Variants in TCF7L1 observed in about 807,000 individuals in gnomAD.
TCF7L1 encodes transcription factor 7-like 1.
Under a neutral mutation model 63.7 loss-of-function variants are expected in TCF7L1, and 18 were observed. That is an observed-to-expected ratio of 0.28 (90% CI 0.20 to 0.42). The LOEUF (loss-of-function observed/expected upper bound fraction) is 0.42, where lower values mean the gene tolerates loss of function less well. Among genes scored for constraint, TCF7L1 ranks in the 10% least tolerant of loss-of-function variants. TCF7L1 has a pLI of 1.00. For missense variants in TCF7L1, 654 were observed against 779.3 expected, an observed-to-expected ratio of 0.84 and a Z score of 1.91; for synonymous variants, 355 against 340.9, an observed-to-expected ratio of 1.04 and a Z score of -0.46.
In TCF7L1 at chr2:85,134,493, G is replaced by A. The variant is rs1037225645; in HGVS notation, c.441+43G>A. The A allele has an allele frequency of 2.3e-5, 36 of 1,542,734 alleles. No individual in the cohort carries two copies. Among genetic ancestry groups the A allele is most frequent in the Non-Finnish European group, 3.1e-5 (36 of 1,143,186 alleles). On this transcript the variant is annotated intron_variant, in intron 3 of 11. Transcript: ENST00000282111. This position sits in a 1 kb window ranked among gnomAD's most constrained non-coding sequence, Gnocchi z 5.0. ...GCGCCGGGGAGGGTGGGAGGCCGCG[G>A]CCCGCAGGATGCGCCCCCGGGCTTG...
chr2:85,258,139 T>C (rs114233338), intron 3 of TCF7L1, among the ~76,000 whole-genome samples: 110 of 152,270 alleles, frequency 7.2e-4, no homozygotes, highest in African/African-American at 2.4e-3. Context: ...TTAGCCTGTA[T>C]CATCATAATC....
intron 3 of TCF7L1, among the ~76,000 whole-genome samples, chr2:85,240,351 G>C (rs1001775453): frequency 6.6e-6 from 1 of 152,234 alleles, no homozygotes; most frequent in Non-Finnish European, 1.5e-5. Flanking sequence ...TTAAACCTCA[G>C]GCTGTCATCG....
At chr2:85,202,966 TGG>T (rs1218369010) in intron 3 of TCF7L1, among the ~76,000 whole-genome samples, 1 of 152,146 alleles carries the variant, frequency 6.6e-6, no homozygotes, top group Non-Finnish European at 1.5e-5. Flanking sequence ...CCCAAGTAGC[TGG>T]GACTACAGGC....
intron 3 of TCF7L1, among the ~76,000 whole-genome samples, chr2:85,222,729 C>T (rs949173150): frequency 1.4e-4 from 21 of 149,570 alleles, no homozygotes; most frequent in Admixed American, 1.4e-3. Flanking sequence ...CATAAATTGA[C>T]CAATAGCAAA....
At chr2:85,224,238 A>G (rs138027317) in intron 3 of TCF7L1, among the ~76,000 whole-genome samples, 6,376 of 152,300 alleles carry the variant, frequency 0.042, 149 homozygotes, top group African/African-American at 0.054. Context: ...GAATAGTGCC[A>G]CAGTAAACAT....
intron 3 of TCF7L1, among the ~76,000 whole-genome samples, chr2:85,158,491 T>A (rs1574083256): frequency 6.6e-6 from 1 of 152,100 alleles, no homozygotes; most frequent in Non-Finnish European, 1.5e-5. Context: ...TGTTTAAAAA[T>A]AATGTCTGCC....
chr2:85,166,421 G>A (rs1004091501), intron 3 of TCF7L1, among the ~76,000 whole-genome samples: 1 of 152,216 alleles, frequency 6.6e-6, no homozygotes, highest in African/African-American at 2.4e-5. Context: ...TGAGTCCTCA[G>A]GGGTTCAGAG....
At chr2:85,302,423 A>G (rs1682003163) in intron 4 of TCF7L1, 61 bp from the exon 5 acceptor site, 2 of 1,611,056 alleles carry the variant, frequency 1.2e-6, no homozygotes, top group Non-Finnish European at 1.7e-6. Context: ...TCCATAAATA[A>G]CAGCTGGTCA....
rs1682246499 is a variant in TCF7L1 at position 85,310,190 on chromosome 2, G to A, written c.*728G>A. ...AATCCCAGAGTGGCAGGCGGGACCG[G>A]CCCCATGGTCTGGCTCCTGTCACCT... On this transcript the variant is annotated 3_prime_UTR_variant, in exon 12 of 12. Transcript: ENST00000282111. 6.6e-6 allele frequency: 1 copy of A among 152,564 alleles called. No homozygotes were observed. The highest frequency in any genetic ancestry group is 2.4e-5 in the African/African-American group (1 of 41,450). 9.5% of individuals were successfully genotyped at this position (152,564 alleles called of 1,614,324 possible).
chr2:85,284,820 A>T (rs529217557), intron 4 of TCF7L1, among the ~76,000 whole-genome samples: 6 of 152,332 alleles, frequency 3.9e-5, no homozygotes, highest in African/African-American at 1.4e-4. Flanking sequence ...TTAAAGATGT[A>T]TCAAAGTAGA....
At chr2:85,184,166 A>T (rs1483416403) in intron 3 of TCF7L1, among the ~76,000 whole-genome samples, 1 of 152,180 alleles carries the variant, frequency 6.6e-6, no homozygotes, top group Non-Finnish European at 1.5e-5. Flanking sequence ...CTTTGGGAAG[A>T]AAAGGAGGTG....
intron 3 of TCF7L1, among the ~76,000 whole-genome samples, chr2:85,141,230 C>G (rs1481005530): frequency 1.3e-5 from 2 of 152,138 alleles, no homozygotes; most frequent in African/African-American, 2.4e-5. Flanking sequence ...CAGTGAGACC[C>G]TGTCTCTAAG....
chr2:85,283,641 G>A, intron 4 of TCF7L1, 63 bp downstream of exon 4: 2 of 1,552,994 alleles, frequency 1.3e-6, no homozygotes, highest in Non-Finnish European at 8.9e-7. Context: ...CCATGCCACT[G>A]CCTTCTGCCA....
At chr2:85,141,143 G>C (rs1396635277) in intron 3 of TCF7L1, among the ~76,000 whole-genome samples, 2 of 152,116 alleles carry the variant, frequency 1.3e-5, no homozygotes, top group African/African-American at 4.8e-5. Flanking sequence ...AAACTTGTCC[G>C]GGCATGGTGG....
chr2:85,251,966 T>C (rs964082038), intron 3 of TCF7L1, among the ~76,000 whole-genome samples: 11 of 152,134 alleles, frequency 7.2e-5, no homozygotes, highest in Non-Finnish European at 1.3e-4. Context: ...TCCTAGCCAC[T>C]TGGGAGGCTG....
chr2:85,256,206 T>A (rs986828313), intron 3 of TCF7L1, among the ~76,000 whole-genome samples: 1 of 150,108 alleles, frequency 6.7e-6, no homozygotes, highest in Admixed American at 6.6e-5. Flanking sequence ...CCGGTTGGCG[T>A]CCCCCCCGCC....
intron 3 of TCF7L1, among the ~76,000 whole-genome samples, chr2:85,264,358 A>G (rs1220770058): frequency 6.6e-6 from 1 of 152,178 alleles, no homozygotes; most frequent in Non-Finnish European, 1.5e-5. Context: ...AAAGTATTCA[A>G]ATGGGCCACA....
chr2:85,256,523 A>G (rs891949469), intron 3 of TCF7L1, among the ~76,000 whole-genome samples: 1 of 152,216 alleles, frequency 6.6e-6, no homozygotes. Flanking sequence ...CCGGACACAC[A>G]ATCAATTACA....
At chr2:85,269,285 TA>T (rs1182886168) in intron 3 of TCF7L1, among the ~76,000 whole-genome samples, 1 of 152,206 alleles carries the variant, frequency 6.6e-6, no homozygotes, top group Non-Finnish European at 1.5e-5. Flanking sequence ...TTTACATAAT[TA>T]TTTTTCTTTG....
Sources: allele counts gnomAD v4.1 joint callset (sites outside exome capture counted in the v4.1 genomes callset), GRCh38; gene constraint gnomAD v4.1.1; non-coding constraint Gnocchi (gnomAD v3.1); transcripts MANE v1.5; gene names NCBI Gene and HGNC (gene_info 2026-07-23, HGNC 2026-07-21).